DHX34: variants seen among roughly 807,000 people sequenced by gnomAD.
The protein encoded by DHX34 is probable ATP-dependent RNA helicase DHX34.
In DHX34, 96 loss-of-function variants were observed where a neutral mutation model predicts 111.1. That is an observed-to-expected ratio of 0.86 (90% CI 0.73 to 1.02). The LOEUF is 1.02. Ranked by LOEUF, DHX34 falls within the 50% of genes least tolerant of loss-of-function variation. The pLI, the probability that DHX34 is intolerant of heterozygous loss-of-function variation, is 0.00. For missense variants in DHX34, 1,560 were observed against 1,579.9 expected (o/e 0.99, Z 0.21); for synonymous variants, 688 against 670.4 (o/e 1.03, Z -0.41).
chr19:47,353,469 C>G lies in DHX34; in HGVS notation c.439C>G (p.Gln147Glu), dbSNP rs752951912. The change falls in exon 2 of 17, where the codon CAG becomes GAG. Residue 147 changes from glutamine (Q) to glutamate (E), a missense_variant. Physicochemically the swap from Gln to Glu is conservative, Grantham distance 29. Transcript: ENST00000328771. This position sits in a 1 kb window ranked among gnomAD's most constrained non-coding sequence, Gnocchi z 4.6. ...GCACTACCTGGACTTTGGCCAGAAG[C>G]AGGCATTTGGGCGTCTGGCCAAGCT... ...LLHYLDFGQK[Q>E]AFGRLAKLQR... is the part of the protein sequence containing the mutation. 1.9e-6 allele frequency: 3 copies of G among 1,614,136 alleles called. No individual in the cohort carries two copies. Among genetic ancestry groups the G allele is most frequent in the Middle Eastern group, 3.3e-4 (2 of 6,062 alleles).
At chr19:47,373,470 CT>C in intron 8 of DHX34, 128 bp from the exon 9 acceptor site, 3 of 1,457,580 alleles carry the variant, frequency 2.1e-6, no homozygotes, top group Non-Finnish European at 2.7e-6. Context: ...GGCACTGGGG[CT>C]GAGACCTGGA....
rs756984735 is a variant in DHX34, at chr19:47,355,046, A to G, written c.713A>G (p.Tyr238Cys). 6.2e-7 allele frequency: 1 copy of G among 1,613,452 alleles called. No individual in the cohort carries two copies. Among genetic ancestry groups the G allele is most frequent in the African/African-American group, 1.3e-5 (1 of 74,958 alleles). ...TTCTTTCTCCCACCCCAGGTCGGCT[A>G]CCAGATCCGCTTTGAGAGCACACGT... ...SLSQYGSQVG[Y>C]QIRFESTRSA... The change falls in exon 3 of 17, where the codon TAC becomes TGC. Residue 238 changes from tyrosine (Y) to cysteine (C), a missense_variant. Transcript: ENST00000328771.
At chr19:47,354,209 C>T (rs911420892) in intron 2 of DHX34, among the ~76,000 whole-genome samples, 14 of 152,186 alleles carry the variant, frequency 9.2e-5, no homozygotes, top group Non-Finnish European at 1.3e-4. Flanking sequence ...GTGATCCACC[C>T]ACTTCGGCCT....
Position 47,382,042 on chromosome 19 carries a change from T to C in DHX34, c.3361T>C (p.Cys1121Arg), listed in dbSNP as rs767296817. Residue 1121 changes from cysteine (C) to arginine (R), a missense_variant, in exon 17 of 17, where the codon TGC (cysteine) becomes CGC (arginine). By Grantham distance (180) the Cys-to-Arg change is radical. Transcript: ENST00000328771. ...KTSVLQRPYH[C>R]EACGKDFLFT... Reference sequence around the variant, plus strand: ...ATCTGTCCTGCAGAGGCCCTACCACTGCGAGGCCTGCGGGAAGGACTTCCT... The same window carrying C: ...ATCTGTCCTGCAGAGGCCCTACCACCGCGAGGCCTGCGGGAAGGACTTCCT... 7 of 1,614,128 alleles carry C rather than the reference T, an allele frequency of 4.3e-6. No homozygotes were observed. The East Asian group carries it at 1.1e-4, about 26-fold the overall frequency.
chr19:47,380,783 GTC>G lies in DHX34; in HGVS notation c.2983-26_2983-25del, dbSNP rs748093153. On this transcript the variant is annotated intron_variant, in intron 14 of 16. Transcript: ENST00000328771. The stretch of plus-strand genomic sequence containing the variant: ...GCTTTGGCGGCATCTCCCTGAGTCT[GTC>G]TCTCTCCATTTCCTGTCTCTCCTTC... 1.7e-5 allele frequency: 28 copies of G among 1,612,682 alleles called. No individual in the cohort carries two copies. The African/African-American group carries it at 2.1e-4, about 12-fold the overall frequency.
chr19:47,358,657 C>T (rs562323739), intron 4 of DHX34, among the ~76,000 whole-genome samples: 5 of 152,112 alleles, frequency 3.3e-5, no homozygotes, highest in African/African-American at 9.6e-5. Context: ...CTCTGTCGTC[C>T]AGGCTGGAGT....
At chr19:47,370,793 C>T (rs1002485115) in intron 7 of DHX34, among the ~76,000 whole-genome samples, 3 of 152,234 alleles carry the variant, frequency 2.0e-5, no homozygotes. Flanking sequence ...CCTCCCACCT[C>T]AGCCTCCTGA....
chr19:47,349,769 C>T (rs888473632), intron 1 of DHX34, among the ~76,000 whole-genome samples: 1 of 151,814 alleles, frequency 6.6e-6, no homozygotes, highest in Non-Finnish European at 1.5e-5. Context: ...TGATCGTGGA[C>T]ACTAGAAACA....
chr19:47,360,621 C>T (rs1969600908), intron 5 of DHX34, among the ~76,000 whole-genome samples: 1 of 152,124 alleles, frequency 6.6e-6, no homozygotes, highest in South Asian at 2.1e-4. Context: ...AGAGATATCC[C>T]CTCCTCCATC....
In DHX34 at chr19:47,362,623, A is replaced by G. The variant is rs1245096082; in HGVS notation, c.1523A>G (p.Asp508Gly). 1 of 1,613,846 alleles carries G rather than the reference A, an allele frequency of 6.2e-7. No individual in the cohort carries two copies. Among genetic ancestry groups the G allele is most frequent in the African/African-American group, 1.3e-5 (1 of 75,036 alleles). The change falls in exon 6 of 17, where the codon GAC (aspartate) becomes GGC (glycine). Residue 508 changes from aspartate to glycine, a missense_variant. By Grantham distance (94) the Asp-to-Gly change is moderately conservative. Transcript: ENST00000328771. ...GVCFRLYAES[D>G]YDAFAPYPVP... ...TGCTTCCGCCTCTATGCCGAATCGG[A>G]CTATGATGCCTTCGCCCCCTACCCC...
At chr19:47,365,211 T>C (rs1010423147) in intron 6 of DHX34, among the ~76,000 whole-genome samples, 1 of 150,096 alleles carries the variant, frequency 6.7e-6, no homozygotes, top group African/African-American at 2.5e-5. Flanking sequence ...CTCTTTAAAT[T>C]GAGCTTCTAA....
In DHX34 at chr19:47,353,771, C is replaced by T. The variant is rs374700228; in HGVS notation, c.705+36C>T. 23 of 1,493,760 alleles carry T rather than the reference C, an allele frequency of 1.5e-5. No homozygotes were observed. The highest frequency in any genetic ancestry group is 4.5e-5 in the Admixed American group (2 of 44,368). 92.5% of individuals were successfully genotyped at this position (1,493,760 alleles called of 1,614,324 possible). A position where few individuals can be genotyped will look rare whatever the true frequency, so the allele number is the denominator to read the frequency against. On this transcript the variant is annotated intron_variant, in intron 2 of 16. Coordinates refer to ENST00000328771, the MANE Select transcript of DHX34 (RefSeq NM_014681.6). This position sits in a 1 kb window ranked among gnomAD's most constrained non-coding sequence, Gnocchi z 4.6. The stretch of plus-strand genomic sequence containing the variant: ...CGCACCAGGTTTCCGATTTTTCCAG[C>T]GTGACCTTGGGGGAATAGGTTGCTT...
At position 47,358,120 on chromosome 19, in the gene DHX34, G is replaced by A. The variant is rs780680381; in HGVS notation, c.1272G>A (p.Lys424=). 2 of 1,601,390 alleles carry A rather than the reference G, an allele frequency of 1.2e-6. No homozygotes were observed. The highest frequency in any genetic ancestry group is 1.7e-5 in the Admixed American group (1 of 59,834). Residue 424 remains lysine, a splice_region_variant and synonymous_variant, in exon 4 of 17, where the codon AAG becomes AAA. Coordinates refer to ENST00000328771, the MANE Select transcript of DHX34 (RefSeq NM_014681.6). ...HSALSVADQD[K]VFDVAPPGVR... is the part of the protein sequence containing the mutation. ...CCCTGTCTGTGGCCGACCAGGACAA[G>A]GTATCACAGGAAGCCCGAGTGGGGC...
intron 6 of DHX34, among the ~76,000 whole-genome samples, chr19:47,364,211 A>G (rs1035820354): frequency 1.3e-5 from 2 of 152,132 alleles, no homozygotes; most frequent in Non-Finnish European, 2.9e-5. Context: ...CAAATGGTGC[A>G]CTTGCCTTGC....
At chr19:47,363,052 G>A (rs544171002) in intron 6 of DHX34, among the ~76,000 whole-genome samples, 2 of 152,240 alleles carry the variant, frequency 1.3e-5, no homozygotes, top group South Asian at 4.1e-4. Flanking sequence ...CCAGGTTTAA[G>A]TGATTCTCCT....
rs763220317 is a variant in DHX34, at chr19:47,373,626, C to T, written c.1990C>T (p.Arg664Cys). The T allele has an allele frequency of 1.8e-5, 29 of 1,613,782 alleles. No homozygotes were observed. Among genetic ancestry groups the T allele is most frequent in the East Asian group, 2.2e-5 (1 of 44,882 alleles). ...GAAATCTGAACGGAGCAGAAACTCT[C>T]GCAAGTGGTGCCGCCGCCGGGGCAT... The part of the protein sequence containing the change: ...QVKSERSRNS[R>C]KWCRRRGIEE... The change falls in exon 9 of 17, where the codon CGC becomes TGC. Residue 664 changes from arginine (R) to cysteine (C), a missense_variant. Arg to Cys is a radical substitution (Grantham distance 180, BLOSUM62 -3). Transcript: ENST00000328771.
intron 12 of DHX34, 31 bp from the exon 13 acceptor site, chr19:47,377,069 T>TGGGCCTGAGC: frequency 6.2e-7 from 1 of 1,608,702 alleles, no homozygotes. Context: ...TGGGCCAGGG[T>TGGGCCTGAGC]GGGCCTGAGC....
chr19:47,367,524 G>A (rs895019256), intron 7 of DHX34, among the ~76,000 whole-genome samples: 1 of 152,180 alleles, frequency 6.6e-6, no homozygotes, highest in Non-Finnish European at 1.5e-5. Flanking sequence ...CATGGGGAAG[G>A]TAACATCTGT....
In DHX34 at chr19:47,382,095, C is replaced by A; in HGVS notation, c.3414C>A (p.His1138Gln). The A allele has an allele frequency of 6.2e-7, 1 of 1,614,060 alleles. No homozygotes were observed. Among genetic ancestry groups the A allele is most frequent in the Non-Finnish European group, 8.5e-7 (1 of 1,180,010 alleles). ...TTACACCCACAGAGGTGCTGCGCCA[C>A]CGGAAGCAGCACGTGTGAGCTGGGC... ...FLFTPTEVLR[H>Q]RKQHV Residue 1138 changes from histidine (H) to glutamine (Q), a missense_variant, in exon 17 of 17, where the codon CAC (histidine) becomes CAA (glutamine). Physicochemically the swap from His to Gln is conservative, Grantham distance 24. Transcript: ENST00000328771.
Sources: allele counts gnomAD v4.1 joint callset (sites outside exome capture counted in the v4.1 genomes callset), GRCh38; gene constraint gnomAD v4.1.1; non-coding constraint Gnocchi (gnomAD v3.1); transcripts MANE v1.5; gene names NCBI Gene and HGNC (gene_info 2026-07-23, HGNC 2026-07-21).